NEDD4: variants seen among roughly 807,000 people sequenced by gnomAD.
NEDD4 encodes the protein NEDD4 E3 ubiquitin protein ligase, also known as E3 ubiquitin-protein ligase NEDD4.
Under a neutral mutation model 144.9 loss-of-function variants are expected in NEDD4, and 99 were observed. The ratio of observed to expected loss-of-function variants is 0.68; its 90% CI spans 0.58 to 0.81. NEDD4 has a LOEUF of 0.81. Ranked by LOEUF, NEDD4 falls within the 30% of genes least tolerant of loss-of-function variation. The pLI, the probability that NEDD4 is intolerant of heterozygous loss-of-function variation, is 0.00. For synonymous variants in NEDD4, 318 were observed against 350.6 expected, an observed-to-expected ratio of 0.91 and a Z score of 1.04; for missense variants, 985 against 1,065.9, an observed-to-expected ratio of 0.92 and a Z score of 1.06.
At chr15:55,933,166 C>G (rs994312707) in intron 4 of NEDD4, among the ~76,000 whole-genome samples, 21 of 151,782 alleles carry the variant, frequency 1.4e-4, no homozygotes, top group African/African-American at 3.6e-4. Context: ...TTGACCCAGC[C>G]ATCCCATTAC....
chr15:55,979,231 T>A (rs1474365549), intron 1 of NEDD4, among the ~76,000 whole-genome samples: 1 of 147,268 alleles, frequency 6.8e-6, no homozygotes, highest in Non-Finnish European at 1.5e-5. Flanking sequence ...ATTGAAAAAA[T>A]AAGAATGCTG....
At chr15:55,948,292 T>A (rs1178440189) in intron 4 of NEDD4, among the ~76,000 whole-genome samples, 1 of 151,958 alleles carries the variant, frequency 6.6e-6, no homozygotes. Flanking sequence ...TACTGCTCAA[T>A]GAAATAAAAG....
At chr15:55,970,920 A>G (rs1370528137) in intron 1 of NEDD4, among the ~76,000 whole-genome samples, 3 of 152,192 alleles carry the variant, frequency 2.0e-5, no homozygotes, top group African/African-American at 7.2e-5. Flanking sequence ...CCAGGACAAC[A>G]TGATCTCACC....
chr15:55,949,380 G>C (rs143077885), intron 4 of NEDD4, among the ~76,000 whole-genome samples: 17,595 of 152,208 alleles, frequency 0.12, 1,207 homozygotes, highest in East Asian at 0.32. Context: ...AACCATTGTG[G>C]AAGACAGTGT....
At chr15:55,941,924 C>G (rs543425869) in intron 4 of NEDD4, among the ~76,000 whole-genome samples, 20 of 152,034 alleles carry the variant, frequency 1.3e-4, no homozygotes, top group African/African-American at 4.8e-4. Flanking sequence ...GGTTTGTGGC[C>G]CAATATGTGG....
intron 23 of NEDD4, 69 bp downstream of exon 23, chr15:55,838,038 T>C (rs1307857434): frequency 9.5e-7 from 1 of 1,047,604 alleles, no homozygotes; most frequent in Non-Finnish European, 1.4e-6. Context: ...AGAAAGATGG[T>C]AAGAAGAGTC....
chr15:55,963,417 T>G (rs1015485677), intron 2 of NEDD4, among the ~76,000 whole-genome samples: 2 of 152,172 alleles, frequency 1.3e-5, no homozygotes, highest in African/African-American at 4.8e-5. Context: ...TTAAAATTTC[T>G]ACTGTTTTTT....
chr15:55,916,406 G>A (rs2036446933), intron 5 of NEDD4: 1 of 1,614,012 alleles, frequency 6.2e-7, no homozygotes, highest in Non-Finnish European at 8.5e-7. Flanking sequence ...TGGCTGGACT[G>A]CTTACAAGGT....
intron 4 of NEDD4, among the ~76,000 whole-genome samples, chr15:55,928,055 G>A (rs2036708770): frequency 6.6e-6 from 1 of 151,966 alleles, no homozygotes; most frequent in South Asian, 2.1e-4. Flanking sequence ...TGTCACCCTG[G>A]CTGGAGTACA....
At chr15:55,881,612 G>A (rs1201002521) in intron 5 of NEDD4, among the ~76,000 whole-genome samples, 1 of 151,910 alleles carries the variant, frequency 6.6e-6, no homozygotes, top group Non-Finnish European at 1.5e-5. Context: ...AGTTAACTTA[G>A]GTTTAGGCTT....
chr15:55,932,324 T>C (rs562826928), intron 4 of NEDD4, among the ~76,000 whole-genome samples: 2 of 152,262 alleles, frequency 1.3e-5, no homozygotes, highest in East Asian at 1.9e-4. Context: ...AACAGAGATA[T>C]AGACCAATGG....
intron 1 of NEDD4, among the ~76,000 whole-genome samples, chr15:55,991,073 C>T (rs1157172290): frequency 6.6e-6 from 1 of 152,212 alleles, no homozygotes; most frequent in Non-Finnish European, 1.5e-5. Flanking sequence ...TCACTATATA[C>T]TGATTAAATT....
chr15:55,973,221 C>G (rs1566974289), intron 1 of NEDD4, among the ~76,000 whole-genome samples: 1 of 152,186 alleles, frequency 6.6e-6, no homozygotes, highest in Non-Finnish European at 1.5e-5. Context: ...CAAGGATAAA[C>G]CACATGTTAG....
At chr15:55,992,427 C>T (rs2038002399) in intron 1 of NEDD4, among the ~76,000 whole-genome samples, 1 of 152,170 alleles carries the variant, frequency 6.6e-6, no homozygotes, top group African/African-American at 2.4e-5. Flanking sequence ...CACCAAGGTA[C>T]TAAGAGAAGG....
intron 5 of NEDD4, chr15:55,916,997 A>G: frequency 7.5e-7 from 1 of 1,336,756 alleles, no homozygotes. Flanking sequence ...TAGATACCAG[A>G]TATCATAGAA....
intron 5 of NEDD4, among the ~76,000 whole-genome samples, chr15:55,895,129 T>C (rs1181210141): frequency 6.6e-6 from 1 of 152,176 alleles, no homozygotes; most frequent in Non-Finnish European, 1.5e-5. Context: ...ACTGCTAAAA[T>C]GGATAAAGCT....
intron 5 of NEDD4, among the ~76,000 whole-genome samples, chr15:55,906,053 A>G (rs2036081620): frequency 6.6e-6 from 1 of 152,200 alleles, no homozygotes; most frequent in South Asian, 2.1e-4. Flanking sequence ...ACTGGCCATC[A>G]GAGAAATGCA....
chr15:55,868,101 C>T lies in NEDD4; in HGVS notation c.507+1478G>A, dbSNP rs574603347. 1.6e-3 allele frequency among the ~76,000 whole-genome samples: 243 copies of T among 152,024 alleles called. 3 individuals carry two copies. The South Asian group carries it at 0.023, about 14-fold the overall frequency. On this transcript the variant is annotated intron_variant, in intron 8 of 28. Coordinates refer to ENST00000435532, the MANE Select transcript of NEDD4 (RefSeq NM_006154.4). ...CTTTCCTTCTATTATTATAGATTCTCCTGCAAAGCAAAATCTCATTAGTGC... is the reference window on the plus strand; with the variant it reads ...CTTTCCTTCTATTATTATAGATTCTTCTGCAAAGCAAAATCTCATTAGTGC...
At chr15:55,882,869 G>A (rs1489375487) in intron 5 of NEDD4, among the ~76,000 whole-genome samples, 1 of 152,170 alleles carries the variant, frequency 6.6e-6, no homozygotes, top group Non-Finnish European at 1.5e-5. Context: ...AGAGCCTTAG[G>A]TCCTGAATAA....
Sources: gnomAD v4.1 joint callset for allele counts (sites outside exome capture counted in the v4.1 genomes callset) on GRCh38, gnomAD v4.1.1 for gene constraint, MANE v1.5 for transcripts, NCBI Gene and HGNC (gene_info 2026-07-23, HGNC 2026-07-21) for gene names.